Variants in MUC20 observed in about 807,000 individuals in gnomAD.
MUC20 encodes mucin 20, cell surface associated, also known as mucin-20.
A neutral mutation model predicts 23.8 loss-of-function variants in MUC20; 14 were observed. The observed-to-expected ratio is 0.59, with a 90% CI of 0.39 to 0.92. The LOEUF is 0.92. Among genes scored for constraint, MUC20 ranks in the 40% least tolerant of loss-of-function variants. MUC20 has a pLI of 0.00. For missense variants in MUC20, 375 were observed against 668.8 expected, an observed-to-expected ratio of 0.56 and a Z score of 4.85; for synonymous variants, 166 against 279.3, an observed-to-expected ratio of 0.59 and a Z score of 4.04.
At chr3:195,726,875 C>G (rs1417002067) in intron 2 of MUC20, among the ~76,000 whole-genome samples, 1 of 152,252 alleles carries the variant, frequency 6.6e-6, no homozygotes, top group Non-Finnish European at 1.5e-5. Flanking sequence ...AGTTTCTCCA[C>G]CTGTATTTGG....
chr3:195,727,371 CA>C (rs894954580), intron 2 of MUC20, among the ~76,000 whole-genome samples: 7 of 148,184 alleles, frequency 4.7e-5, no homozygotes, highest in African/African-American at 7.4e-5. Flanking sequence ...AACTCCGTCT[CA>C]AAAAAAAAAG....
chr3:195,725,825 C>G lies in MUC20; in HGVS notation c.1222C>G (p.Leu408Val), dbSNP rs766452583. ...PSWSPGSDVT[L>V]LAEALVTVTN... ...ATGGTCCCCGGGATCTGACGTCACT[C>G]TCCTCGCTGAAGCCCTGGTGACTGT... is the stretch of plus-strand genomic sequence containing the variant. Residue 408 changes from leucine (L) to valine (V), a missense_variant, in exon 2 of 4, where the codon CTC becomes GTC. Physicochemically the swap from Leu to Val is conservative, Grantham distance 32. This residue lies in a region of MUC20 where 17 missense variants were observed against 71.0 expected (regional missense o/e 0.24). Transcript: ENST00000447234. The G allele has an allele frequency of 1.9e-6, 3 of 1,583,340 alleles. No homozygotes were observed. The highest frequency in any genetic ancestry group is 2.7e-5 in the African/African-American group (2 of 73,650).
chr3:195,731,519 G>T (rs1480553534), intron 3 of MUC20, among the ~76,000 whole-genome samples: 1 of 152,262 alleles, frequency 6.6e-6, no homozygotes, highest in Non-Finnish European at 1.5e-5. Context: ...TTGGAAAATA[G>T]GCAGGAGGGC....
chr3:195,726,007 A>G lies in MUC20; in HGVS notation c.1404A>G (p.Lys468=). Residue 468 remains lysine, a synonymous_variant, in exon 2 of 4, where the codon AAA becomes AAG. Transcript: ENST00000447234. ...CTCTGCCTGACTCCACTGAAGCAAA[A>G]CCACACATCACTGAGGTCACAGCCT... ...PPALPDSTEA[K]PHITEVTASA... 1 of 1,613,932 alleles carries G rather than the reference A, an allele frequency of 6.2e-7. No individual in the cohort carries two copies. The highest frequency in any genetic ancestry group is 8.5e-7 in the Non-Finnish European group (1 of 1,179,856).
chr3:195,726,381 A>G lies in MUC20; in HGVS notation c.1778A>G (p.Asp593Gly), dbSNP rs1353078191. ...ACCCCTTCAGAGACACCGACCATGG[A>G]CATCGCAACCAAGGGGCCCTTCCCC... The part of the protein sequence containing the change: ...NFTPSETPTM[D>G]IATKGPFPTS... The change falls in exon 2 of 4, where the codon GAC becomes GGC. Residue 593 changes from aspartate to glycine, a missense_variant. This residue lies in a region of MUC20 where 343 missense variants were observed against 340.2 expected (regional missense o/e 1.01). Coordinates refer to ENST00000447234, the MANE Select transcript of MUC20 (RefSeq NM_001282506.2). The G allele has an allele frequency of 1.9e-6, 3 of 1,613,742 alleles. No individual in the cohort carries two copies. Among genetic ancestry groups the G allele is most frequent in the African/African-American group, 2.7e-5 (2 of 74,946 alleles).
At chr3:195,730,896 G>C (rs764649428) in intron 3 of MUC20, among the ~76,000 whole-genome samples, 3 of 152,244 alleles carry the variant, frequency 2.0e-5, no homozygotes, top group Non-Finnish European at 4.4e-5. Flanking sequence ...GTAAAGTTCC[G>C]GGGTCAGGGT....
At chr3:195,731,270 C>A (rs987985757) in intron 3 of MUC20, among the ~76,000 whole-genome samples, 1 of 152,256 alleles carries the variant, frequency 6.6e-6, no homozygotes, top group Non-Finnish European at 1.5e-5. Context: ...TCCTGTCATC[C>A]CTTGCAAGGG....
intron 3 of MUC20, among the ~76,000 whole-genome samples, 155 bp from the exon 4 acceptor site, chr3:195,732,995 T>C (rs1041708009): frequency 6.6e-5 from 10 of 152,242 alleles, no homozygotes; most frequent in Non-Finnish European, 1.0e-4. Context: ...ACATAATGTG[T>C]GTGAGGCACC....
At chr3:195,729,584 G>C in intron 2 of MUC20, 64 bp from the exon 3 acceptor site, 2 of 1,464,512 alleles carry the variant, frequency 1.4e-6, no homozygotes, top group Non-Finnish European at 1.9e-6. Flanking sequence ...CCAAAGTGCT[G>C]GGATGACAGG....
chr3:195,731,890 G>A (rs1234347296), intron 3 of MUC20, among the ~76,000 whole-genome samples: 2 of 152,176 alleles, frequency 1.3e-5, no homozygotes, highest in Non-Finnish European at 2.9e-5. Flanking sequence ...CTCGACACCC[G>A]ATGGCCAAAT....
At chr3:195,730,642 A>G (rs112868520) in intron 3 of MUC20, among the ~76,000 whole-genome samples, 6,242 of 151,250 alleles carry the variant, frequency 0.041, 172 homozygotes, top group African/African-American at 0.14. Context: ...GAGCCACCGC[A>G]CCCGGCCCCC....
At chr3:195,721,427 G>A (rs1196646730) in intron 1 of MUC20, among the ~76,000 whole-genome samples, 6 of 151,812 alleles carry the variant, frequency 4.0e-5, no homozygotes, top group South Asian at 4.2e-4. Context: ...AGTGGGGCAC[G>A]GAGCGGGGGT....
At position 195,726,262 on chromosome 3, in the gene MUC20, C is replaced by T. The variant is rs1459891498; in HGVS notation, c.1659C>T (p.Ser553=). ...YVKVSGAAPV[S]IEAGSAVGKT... is the part of the protein sequence containing the mutation. ...AAGTCTCAGGAGCAGCTCCGGTCTC[C>T]ATAGAGGCTGGGTCAGCAGTGGGCA... is the stretch of plus-strand genomic sequence containing the variant. The change falls in exon 2 of 4, where the codon TCC becomes TCT. Residue 553 remains serine, a synonymous_variant. Transcript: ENST00000447234. 1.2e-5 allele frequency: 19 copies of T among 1,613,916 alleles called. No homozygotes were observed. Among genetic ancestry groups the T allele is most frequent in the African/African-American group, 2.7e-5 (2 of 74,948 alleles).
chr3:195,726,633 C>T (rs1217155448), intron 2 of MUC20, 61 bp downstream of exon 2: 79 of 1,547,520 alleles, frequency 5.1e-5, no homozygotes, highest in East Asian at 1.1e-4. Context: ...AGGACGTCTC[C>T]GCACTTGAGG....
chr3:195,727,570 C>G (rs1712829787), intron 2 of MUC20, among the ~76,000 whole-genome samples: 1 of 152,286 alleles, frequency 6.6e-6, no homozygotes, highest in Admixed American at 6.5e-5. Context: ...TGTGTATCCG[C>G]AGCTTGTTAC....
At position 195,726,294 on chromosome 3, in the gene MUC20, C is replaced by A. The variant is rs1219039646; in HGVS notation, c.1691C>A (p.Thr564Asn). ...GCTGGGTCAGCAGTGGGCAAAACAA[C>A]TTCCTTTGCTGGGAGCTCTGCTTCC... ...IEAGSAVGKT[T>N]SFAGSSASSY... is the part of the protein sequence containing the mutation. The change falls in exon 2 of 4, where the codon ACT (threonine) becomes AAT (asparagine). Residue 564 changes from threonine (T) to asparagine (N), a missense_variant. Transcript: ENST00000447234. The A allele has an allele frequency of 6.2e-7, 1 of 1,614,088 alleles. No homozygotes were observed. The highest frequency in any genetic ancestry group is 8.5e-7 in the Non-Finnish European group (1 of 1,179,906).
At position 195,726,121 on chromosome 3, in the gene MUC20, A is replaced by G. The variant is rs1444762071; in HGVS notation, c.1518A>G (p.Thr506=). The change falls in exon 2 of 4, where the codon ACA becomes ACG. Residue 506 remains threonine, a synonymous_variant. Transcript: ENST00000447234. The part of the protein sequence containing the change: ...VGTPLPTNSA[T]EREVTAPGAT... ...CCCCACTCCCCACTAACAGCGCCAC[A>G]GAAAGAGAAGTGACAGCACCCGGGG... is the stretch of plus-strand genomic sequence containing the variant. The G allele has an allele frequency of 6.2e-7, 1 of 1,608,880 alleles. No homozygotes were observed. The highest frequency in any genetic ancestry group is 8.5e-7 in the Non-Finnish European group (1 of 1,176,008).
intron 3 of MUC20, among the ~76,000 whole-genome samples, chr3:195,732,800 G>A (rs1041282014): frequency 2.0e-5 from 3 of 152,256 alleles, no homozygotes; most frequent in Non-Finnish European, 4.4e-5. Flanking sequence ...ATCAGTTCTC[G>A]TCCGGGGACA....
At chr3:195,729,314 CTTTTT>C (rs10575022) in intron 2 of MUC20, 82 of 171,206 alleles carry the variant, frequency 4.8e-4, no homozygotes, top group Middle Eastern at 2.1e-3. Context: ...TCATCCTCCT[CTTTTT>C]TTTTTTTTTT....
Sources: allele counts gnomAD v4.1 joint callset (sites outside exome capture counted in the v4.1 genomes callset), GRCh38; gene constraint gnomAD v4.1.1; regional missense constraint gnomAD v4.1.1; transcripts MANE v1.5; gene names NCBI Gene and HGNC (gene_info 2026-07-23, HGNC 2026-07-21).